Variants in SMOC2 observed in about 807,000 individuals in gnomAD.
SMOC2 encodes SPARC-related modular calcium-binding protein 2.
Under a neutral mutation model 61.4 loss-of-function variants are expected in SMOC2, and 39 were observed. The ratio of observed to expected loss-of-function variants is 0.64; its 90% CI spans 0.49 to 0.83. SMOC2 has a LOEUF of 0.83. SMOC2 is among the 40% of genes least tolerant of loss of function. SMOC2 has a pLI of 0.00. For synonymous variants in SMOC2, 247 were observed against 239.9 expected, an observed-to-expected ratio of 1.03 and a Z score of -0.27; for missense variants, 556 against 592.9, an observed-to-expected ratio of 0.94 and a Z score of 0.65.
chr6:168,461,717 G>A (rs924805343), intron 1 of SMOC2, among the ~76,000 whole-genome samples: 1 of 152,140 alleles, frequency 6.6e-6, no homozygotes, highest in East Asian at 1.9e-4. Flanking sequence ...GAGACATCTG[G>A]CTGTCACCCA....
intron 1 of SMOC2, among the ~76,000 whole-genome samples, chr6:168,458,625 G>A (rs975403612): frequency 2.0e-5 from 3 of 152,126 alleles, no homozygotes; most frequent in Non-Finnish European, 4.4e-5. Context: ...GGGGAGAAAC[G>A]AAGGCTCCCA....
At chr6:168,507,639 C>T (rs978903043) in intron 1 of SMOC2, among the ~76,000 whole-genome samples, 2 of 152,240 alleles carry the variant, frequency 1.3e-5, no homozygotes, top group Non-Finnish European at 2.9e-5. Context: ...GTGTTGGTGA[C>T]ATGAAAAATG....
intron 9 of SMOC2, among the ~76,000 whole-genome samples, chr6:168,646,602 A>G (rs1177788919): frequency 6.6e-6 from 1 of 152,236 alleles, no homozygotes; most frequent in Non-Finnish European, 1.5e-5. Flanking sequence ...CACAGAACAC[A>G]TTCATTTTAA....
At chr6:168,663,001 AT>A (rs1446352287) in intron 11 of SMOC2, among the ~76,000 whole-genome samples, 7 of 152,222 alleles carry the variant, frequency 4.6e-5, no homozygotes, top group Non-Finnish European at 1.0e-4. Context: ...GAAACTCCAC[AT>A]GGAGATAACG....
intron 1 of SMOC2, among the ~76,000 whole-genome samples, chr6:168,498,359 A>G (rs1782642007): frequency 6.6e-6 from 1 of 152,250 alleles, no homozygotes; most frequent in African/African-American, 2.4e-5. Flanking sequence ...GCCTTTGAAA[A>G]TGTCACTTCA....
intron 9 of SMOC2, among the ~76,000 whole-genome samples, chr6:168,620,972 C>A (rs150295057): frequency 4.0e-5 from 6 of 149,800 alleles, no homozygotes; most frequent in Non-Finnish European, 8.8e-5. Flanking sequence ...GGATGACCAA[C>A]CAAGGTCGAA....
At position 168,535,297 on chromosome 6, in the gene SMOC2, C is replaced by T. The variant is rs1030902708; in HGVS notation, c.463+7570C>T. ...CAGAGATATTTTATGTACATAAAAA[C>T]AAGTATATTATTTTTTCTTCTAATT... On this transcript the variant is annotated intron_variant, in intron 4 of 12. Transcript: ENST00000356284. The surrounding 1 kb of genome is among the most constrained non-coding windows in gnomAD (Gnocchi z 4.6). Among the ~76,000 whole-genome samples, 9 of 152,068 alleles carry T rather than the reference C, an allele frequency of 5.9e-5. No individual in the cohort carries two copies. Among genetic ancestry groups the T allele is most frequent in the African/African-American group, 2.2e-4 (9 of 41,400 alleles).
At chr6:168,627,172 A>G (rs1225001928) in intron 9 of SMOC2, among the ~76,000 whole-genome samples, 1 of 152,226 alleles carries the variant, frequency 6.6e-6, no homozygotes, top group Non-Finnish European at 1.5e-5. Context: ...GTTAGCCGTG[A>G]GCTGAGTGTA....
At chr6:168,657,392 G>T (rs1336344293) in intron 11 of SMOC2, among the ~76,000 whole-genome samples, 3 of 152,354 alleles carry the variant, frequency 2.0e-5, no homozygotes, top group African/African-American at 7.2e-5. Context: ...TACACTTGCT[G>T]TTAGGGCTCC....
At chr6:168,494,568 G>A (rs918352904) in intron 1 of SMOC2, among the ~76,000 whole-genome samples, 3 of 152,236 alleles carry the variant, frequency 2.0e-5, no homozygotes, top group Non-Finnish European at 4.4e-5. Flanking sequence ...CAACAAGATA[G>A]GGGATCACTT....
At chr6:168,486,240 T>C (rs1782329853) in intron 1 of SMOC2, among the ~76,000 whole-genome samples, 1 of 152,102 alleles carries the variant, frequency 6.6e-6, no homozygotes, top group Non-Finnish European at 1.5e-5. Context: ...GAATACAAAG[T>C]CTAGTGGCAG....
chr6:168,658,871 CTGTG>C (rs148960064), intron 11 of SMOC2, among the ~76,000 whole-genome samples: 2 of 151,142 alleles, frequency 1.3e-5, no homozygotes, highest in Admixed American at 6.6e-5. Context: ...ACAGCTCAGA[CTGTG>C]TGTGTGTGTG....
At chr6:168,508,569 G>C (rs1172185381) in intron 1 of SMOC2, among the ~76,000 whole-genome samples, 2 of 152,210 alleles carry the variant, frequency 1.3e-5, no homozygotes, top group African/African-American at 4.8e-5. Context: ...ACTTCAAGGT[G>C]GAAAGTTTCA....
At chr6:168,609,944 C>T (rs1045211245) in intron 9 of SMOC2, among the ~76,000 whole-genome samples, 7 of 152,200 alleles carry the variant, frequency 4.6e-5, no homozygotes, top group Admixed American at 2.0e-4. Context: ...GGGACCGTGA[C>T]AGAGGCTGGC....
At chr6:168,599,580 CACACACA>C in intron 8 of SMOC2, among the ~76,000 whole-genome samples, 2 of 97,528 alleles carry the variant, frequency 2.1e-5, no homozygotes, top group African/African-American at 9.3e-5. Context: ...ACACTCATAC[CACACACA>C]CCCACACATA....
chr6:168,447,530 C>A (rs1160594466), intron 1 of SMOC2, among the ~76,000 whole-genome samples: 1 of 152,200 alleles, frequency 6.6e-6, no homozygotes, highest in East Asian at 1.9e-4. Flanking sequence ...TGCCCTAGAG[C>A]CAGCTGCATC....
chr6:168,661,378 G>A (rs934096478), intron 11 of SMOC2, among the ~76,000 whole-genome samples: 12 of 152,206 alleles, frequency 7.9e-5, no homozygotes, highest in South Asian at 2.1e-4. Flanking sequence ...TTGGGAGGCC[G>A]AGGCCACAAG....
At chr6:168,471,588 A>G (rs1297653303) in intron 1 of SMOC2, among the ~76,000 whole-genome samples, 2 of 152,208 alleles carry the variant, frequency 1.3e-5, no homozygotes, top group Non-Finnish European at 2.9e-5. Context: ...GAATTGCTGG[A>G]TCAAATGGTT....
chr6:168,489,329 G>C (rs983816578), intron 1 of SMOC2, among the ~76,000 whole-genome samples: 1 of 148,036 alleles, frequency 6.8e-6, no homozygotes, highest in Non-Finnish European at 1.5e-5. Context: ...GGTCCCCTTG[G>C]ATCACACTGT....
Sources: allele counts gnomAD v4.1 joint callset (sites outside exome capture counted in the v4.1 genomes callset), GRCh38; gene constraint gnomAD v4.1.1; non-coding constraint Gnocchi (gnomAD v3.1); transcripts MANE v1.5; gene names NCBI Gene and HGNC (gene_info 2026-07-23, HGNC 2026-07-21).